The following ARL15 variants were observed in gnomAD, a reference collection of about 807,000 sequenced individuals.
ARL15 encodes ARF like GTPase 15.
In ARL15, 19 loss-of-function variants were observed where a neutral mutation model predicts 25.2. The ratio of observed to expected loss-of-function variants is 0.75; its 90% CI spans 0.53 to 1.10. The LOEUF (loss-of-function observed/expected upper bound fraction) is 1.10, where lower values mean the gene tolerates loss of function less well. Ranked by LOEUF, ARL15 falls within the 50% of genes least tolerant of loss-of-function variation. ARL15 has a pLI of 0.00. For synonymous variants in ARL15, 94 were observed against 86.8 expected, an observed-to-expected ratio of 1.08 and a Z score of -0.46; for missense variants, 220 against 246.0, an observed-to-expected ratio of 0.89 and a Z score of 0.71.
At chr5:54,230,986 T>G (rs929538783) in intron 1 of ARL15, among the ~76,000 whole-genome samples, 1 of 152,176 alleles carries the variant, frequency 6.6e-6, no homozygotes, top group African/African-American at 2.4e-5. Flanking sequence ...ACTAATAGCA[T>G]TTTTACCTAG....
At position 54,084,794 on chromosome 5, in the gene ARL15, G is replaced by A. The variant is rs570829588; in HGVS notation, c.462+28408C>T. Reference sequence around the variant, plus strand: ...CAAGGGTGTGGCACCATGTTCTGGCGAAAAAAACTGCAACTGATTTCACTC... The same window carrying A: ...CAAGGGTGTGGCACCATGTTCTGGCAAAAAAAACTGCAACTGATTTCACTC... On this transcript the variant is annotated intron_variant, in intron 4 of 4. Transcript: ENST00000504924. Among the ~76,000 whole-genome samples, 397 of 152,138 alleles carry A rather than the reference G, an allele frequency of 2.6e-3. 1 individual carries two copies. The highest frequency in any genetic ancestry group is 9.2e-3 in the African/African-American group (382 of 41,488).
chr5:54,301,775 T>C, intron 1 of ARL15, among the ~76,000 whole-genome samples: 1 of 152,106 alleles, frequency 6.6e-6, no homozygotes, highest in East Asian at 1.9e-4. Flanking sequence ...GCAGCAGCTC[T>C]CCTGTTGAAA....
At chr5:54,019,825 T>C (rs1304725425) in intron 4 of ARL15, among the ~76,000 whole-genome samples, 1 of 152,242 alleles carries the variant, frequency 6.6e-6, no homozygotes, top group African/African-American at 2.4e-5. Flanking sequence ...GTAAGCACCA[T>C]CTATTTCCAT....
intron 1 of ARL15, among the ~76,000 whole-genome samples, chr5:54,267,779 A>C (rs953645348): frequency 1.3e-5 from 2 of 152,102 alleles, no homozygotes; most frequent in Admixed American, 1.3e-4. Flanking sequence ...TTTCTTTAAG[A>C]ATGTTGAATA....
rs527798178 is a variant in ARL15 at position 54,109,676 on chromosome 5, C to T, written c.462+3526G>A. On this transcript the variant is annotated intron_variant, in intron 4 of 4. Transcript: ENST00000504924. ...AATTCAATACAAATGAGAAACCAAC[C>T]TATTTACCCTTAAGATTTCTCTCAT... Among the ~76,000 whole-genome samples the T allele has an allele frequency of 3.3e-5, 5 of 152,052 alleles. No individual in the cohort carries two copies. The East Asian group carries it at 7.7e-4, about 24-fold the overall frequency.
chr5:54,056,247 A>G (rs1750867186), intron 4 of ARL15, among the ~76,000 whole-genome samples: 1 of 152,130 alleles, frequency 6.6e-6, no homozygotes, highest in South Asian at 2.1e-4. Flanking sequence ...TTATGTTTTT[A>G]AAGAGTTTAA....
intron 1 of ARL15, among the ~76,000 whole-genome samples, chr5:54,178,826 G>C (rs1026283516): frequency 6.6e-6 from 1 of 152,144 alleles, no homozygotes; most frequent in Non-Finnish European, 1.5e-5. Flanking sequence ...TTATGGCTCT[G>C]TCTTTTGAAA....
intron 3 of ARL15, among the ~76,000 whole-genome samples, chr5:54,133,553 G>T (rs1185503276): frequency 6.6e-6 from 1 of 152,194 alleles, no homozygotes; most frequent in Non-Finnish European, 1.5e-5. Flanking sequence ...CATTAGACAT[G>T]TGGCCGCTAT....
chr5:54,171,805 C>A lies in ARL15; in HGVS notation c.172G>T (p.Asp58Tyr). The change falls in exon 2 of 5, where the codon GAT (aspartate) becomes TAT (tyrosine). Residue 58 changes from aspartate to tyrosine, a missense_variant. Asp to Tyr is a radical substitution (Grantham distance 160). Coordinates refer to ENST00000504924, the MANE Select transcript of ARL15 (RefSeq NM_019087.3). Reference protein sequence around the residue: ...LLSKLCSESPDNVVSTTGFSI... With the variant: ...LLSKLCSESPYNVVSTTGFSI... ...CCACCTGTGGTCGACACGACGTTAT[C>A]GGGGCTTTCACTGCAGAGTTTGGAC... 1 of 1,612,940 alleles carries A rather than the reference C, an allele frequency of 6.2e-7. No individual in the cohort carries two copies. Among genetic ancestry groups the A allele is most frequent in the Non-Finnish European group, 8.5e-7 (1 of 1,179,430 alleles).
intron 2 of ARL15, among the ~76,000 whole-genome samples, chr5:54,162,338 A>G (rs1418925276): frequency 6.6e-6 from 1 of 152,010 alleles, no homozygotes; most frequent in Non-Finnish European, 1.5e-5. Flanking sequence ...CACCTTTATC[A>G]TTACAGAGCC....
intron 1 of ARL15, among the ~76,000 whole-genome samples, chr5:54,181,868 G>C (rs1456348760): frequency 6.7e-6 from 1 of 150,100 alleles, no homozygotes. Flanking sequence ...ATATCTCATA[G>C]TGGTTTTGAT....
chr5:54,272,107 C>CTTTTTTTTTTTTT (rs34592464), intron 1 of ARL15, among the ~76,000 whole-genome samples: 1 of 36,750 alleles, frequency 2.7e-5, no homozygotes, highest in African/African-American at 8.4e-5. Context: ...CCACTCCTGG[C>CTTTTTTTTTTTTT]TTTTTTTTTT....
chr5:53,940,481 C>G (rs543647525), intron 4 of ARL15, among the ~76,000 whole-genome samples: 1 of 152,114 alleles, frequency 6.6e-6, no homozygotes, highest in Non-Finnish European at 1.5e-5. Flanking sequence ...TAAGAAAAAG[C>G]TAACTACTCT....
rs543315763 is a variant in ARL15, at chr5:54,182,466, C to G, written c.49-10538G>C. ...CAAAGATCAGATAGTTGTAGGTATGCGGCGTTATTTCTGAGGGCTTTGTTC... is the reference window on the plus strand; with the variant it reads ...CAAAGATCAGATAGTTGTAGGTATGGGGCGTTATTTCTGAGGGCTTTGTTC... On this transcript the variant is annotated intron_variant, in intron 1 of 4. Coordinates refer to ENST00000504924, the MANE Select transcript of ARL15 (RefSeq NM_019087.3). Among the ~76,000 whole-genome samples the G allele has an allele frequency of 1.1e-3, 172 of 151,280 alleles. 1 individual carries two copies. Among genetic ancestry groups the G allele is most frequent in the African/African-American group, 4.1e-3 (167 of 41,210 alleles).
At chr5:54,154,212 A>T (rs559677399) in intron 3 of ARL15, among the ~76,000 whole-genome samples, 1 of 152,334 alleles carries the variant, frequency 6.6e-6, no homozygotes, top group East Asian at 1.9e-4. Context: ...TGCAGTATAA[A>T]CACAAACTAC....
chr5:54,081,792 T>C (rs1215372135), intron 4 of ARL15, among the ~76,000 whole-genome samples: 23 of 152,078 alleles, frequency 1.5e-4, no homozygotes, highest in Admixed American at 1.5e-3. Flanking sequence ...GGCAGTTCTT[T>C]ATAGCAGTAT....
chr5:54,154,161 C>T (rs971088322), intron 3 of ARL15, among the ~76,000 whole-genome samples: 14 of 152,244 alleles, frequency 9.2e-5, no homozygotes, highest in Middle Eastern at 6.8e-3. Context: ...GATTTATTAT[C>T]GGAACAAATA....
intron 2 of ARL15, among the ~76,000 whole-genome samples, chr5:54,160,010 G>A (rs899589227): frequency 6.6e-6 from 1 of 152,164 alleles, no homozygotes; most frequent in Non-Finnish European, 1.5e-5. Context: ...TCAAGTCTGA[G>A]TGCACGCACA....
intron 3 of ARL15, among the ~76,000 whole-genome samples, chr5:54,132,954 G>A (rs956794987): frequency 5.3e-5 from 8 of 152,064 alleles, no homozygotes; most frequent in African/African-American, 1.4e-4. Context: ...AAATCTAAAC[G>A]ATAATCTGCA....
Sources: allele counts gnomAD v4.1 joint callset (sites outside exome capture counted in the v4.1 genomes callset), GRCh38; gene constraint gnomAD v4.1.1; transcripts MANE v1.5; gene names NCBI Gene and HGNC (gene_info 2026-07-23, HGNC 2026-07-21).